Variants in URB1 observed in about 807,000 individuals in gnomAD.
URB1 encodes URB1 ribosome biogenesis factor.
URB1 carries 197 observed loss-of-function variants against 242.3 expected under a neutral mutation model. The observed-to-expected ratio is 0.81, with a 90% CI of 0.72 to 0.91. URB1 has a LOEUF of 0.91. Ranked by LOEUF, URB1 falls within the 40% of genes least tolerant of loss-of-function variation. URB1 has a pLI of 0.00. For synonymous variants in URB1, 1,153 were observed against 1,201.8 expected (o/e 0.96, Z 0.84); for missense variants, 2,721 against 2,860.5 (o/e 0.95, Z 1.11).
rs145685349 is a variant in URB1, at chr21:32,358,098, C to T, written c.1870-442G>A. ...CTGAACACACAGTATGCTGCCAGGT[C>T]CTTACCTCATCTCATTTTAACCACA... On this transcript the variant is annotated intron_variant, in intron 14 of 38. Coordinates refer to ENST00000382751, the MANE Select transcript of URB1 (RefSeq NM_014825.3). Among the ~76,000 whole-genome samples, 547 of 152,294 alleles carry T rather than the reference C, an allele frequency of 3.6e-3. 4 individuals carry two copies. Among genetic ancestry groups the T allele is most frequent in the Middle Eastern group, 0.027 (8 of 294 alleles).
intron 35 of URB1, 83 bp downstream of exon 35, chr21:32,320,445 CCAA>C (rs2032750761): frequency 1.9e-6 from 2 of 1,033,178 alleles, no homozygotes; most frequent in South Asian, 3.0e-5. Context: ...ACATTTCCAA[CCAA>C]CAACAGAGCT....
rs148857803 is a variant in URB1 at position 32,383,478 on chromosome 21, G to A, written c.511C>T (p.His171Tyr). Reference sequence around the variant, plus strand: ...AGGGTCTTTTTATTCAAATCAAAATGGCTGCAGACGTCCCTGGCAGCTTCC... The same window carrying A: ...AGGGTCTTTTTATTCAAATCAAAATAGCTGCAGACGTCCCTGGCAGCTTCC... ...GPEAARDVCSHFDLNKKTLYT... is the reference protein window; with the variant it reads ...GPEAARDVCSYFDLNKKTLYT... The change falls in exon 4 of 39, where the codon CAT becomes TAT. Residue 171 changes from histidine (H) to tyrosine (Y), a missense_variant. Transcript: ENST00000382751. 935 of 1,551,570 alleles carry A rather than the reference G, an allele frequency of 6.0e-4. 4 individuals are homozygous for A. The highest frequency in any genetic ancestry group is 5.5e-3 in the African/African-American group (405 of 73,144).
chr21:32,320,468 C>T (rs1488079539), intron 35 of URB1, 63 bp downstream of exon 35: 55 of 1,223,364 alleles, frequency 4.5e-5, no homozygotes, highest in South Asian at 6.7e-5. Flanking sequence ...TGGCAGCAGA[C>T]GTCATCGTTT....
At chr21:32,327,569 T>C (rs1214998776) in intron 30 of URB1, among the ~76,000 whole-genome samples, 1 of 94,468 alleles carries the variant, frequency 1.1e-5, no homozygotes, top group Non-Finnish European at 2.4e-5. Flanking sequence ...TGATACCAGA[T>C]AGAAATCTAG....
intron 28 of URB1, among the ~76,000 whole-genome samples, chr21:32,335,988 A>C (rs2032954657): frequency 6.6e-6 from 1 of 152,168 alleles, no homozygotes; most frequent in African/African-American, 2.4e-5. Flanking sequence ...GTCGTTCTGC[A>C]GAAATGGGTA....
chr21:32,320,528 T>TA lies in URB1; in HGVS notation c.5594+2dup. On this transcript the variant is annotated splice_region_variant and intron_variant, in intron 35 of 38. Transcript: ENST00000382751. ...GCGCACCTCGCATGCAAAAGGTACT[T>TA]ACTTGCTTTCAAGGATGTGTAAAAT... 6.5e-7 allele frequency: 1 copy of TA among 1,548,072 alleles called. No individual in the cohort carries two copies. Among genetic ancestry groups the TA allele is most frequent in the Non-Finnish European group, 8.7e-7 (1 of 1,143,798 alleles).
intron 21 of URB1, among the ~76,000 whole-genome samples, chr21:32,348,060 G>C (rs2033114231): frequency 6.6e-6 from 1 of 152,358 alleles, no homozygotes; most frequent in Middle Eastern, 3.4e-3. Flanking sequence ...TGCCCCGGAA[G>C]GACTGGACTG....
At chr21:32,348,807 A>C (rs1158040972) in intron 21 of URB1, among the ~76,000 whole-genome samples, 3 of 152,242 alleles carry the variant, frequency 2.0e-5, no homozygotes, top group Non-Finnish European at 4.4e-5. Context: ...TGTATATTTC[A>C]ATTAGATTGT....
At position 32,364,403 on chromosome 21, in the gene URB1, G is replaced by A. The variant is rs565851832; in HGVS notation, c.1336-1074C>T. Among the ~76,000 whole-genome samples the A allele has an allele frequency of 2.0e-5, 3 of 152,298 alleles. 1 individual carries two copies. The South Asian group carries it at 6.2e-4, about 32-fold the overall frequency. ...GGAGAGCCCTCCGACACTGAGATCT[G>A]AAAAGCCCTGGCTGGGACACTGCAG... On this transcript the variant is annotated intron_variant, in intron 10 of 38. Coordinates refer to ENST00000382751, the MANE Select transcript of URB1 (RefSeq NM_014825.3).
intron 4 of URB1, among the ~76,000 whole-genome samples, chr21:32,381,476 A>T (rs1048944160): frequency 8.8e-5 from 13 of 146,914 alleles, no homozygotes; most frequent in Admixed American, 1.4e-4. Flanking sequence ...AATAGCATTT[A>T]AAAAAAAAAA....
At chr21:32,377,497 G>A (rs1324839421) in intron 5 of URB1, among the ~76,000 whole-genome samples, 3 of 151,496 alleles carry the variant, frequency 2.0e-5, no homozygotes, top group Non-Finnish European at 4.4e-5. Context: ...CCTGGCAGCA[G>A]CAAGATATCC....
chr21:32,385,728 T>A, intron 1 of URB1, 44 bp from the exon 2 acceptor site: 1 of 1,546,058 alleles, frequency 6.5e-7, no homozygotes, highest in Non-Finnish European at 8.7e-7. Flanking sequence ...GTCAGTCTTC[T>A]TAGAAACAAT....
chr21:32,372,512 A>T lies in URB1; in HGVS notation c.996T>A (p.Phe332Leu), dbSNP rs1187603349. Residue 332 changes from phenylalanine to leucine, a missense_variant, in exon 8 of 39, where the codon TTT (phenylalanine) becomes TTA (leucine). Physicochemically the swap from Phe to Leu is conservative, Grantham distance 22. Transcript: ENST00000382751. Reference protein sequence around the residue: ...INFYDASLGTFGRGGNLTLLH... With the variant: ...INFYDASLGTLGRGGNLTLLH... The stretch of plus-strand genomic sequence containing the variant: ...ACAAGAGTGTTATACTTTACCTGCC[A>T]AAGGTACCCAAAGATGCATCGTAAA... The T allele has an allele frequency of 6.4e-7, 1 of 1,551,288 alleles. No individual in the cohort carries two copies. The highest frequency in any genetic ancestry group is 1.4e-5 in the African/African-American group (1 of 73,190).
chr21:32,391,653 ATAACTC>A (rs1044512927), intron 1 of URB1, among the ~76,000 whole-genome samples: 1 of 152,168 alleles, frequency 6.6e-6, no homozygotes, highest in African/African-American at 2.4e-5. Flanking sequence ...TCGGAAATAA[ATAACTC>A]TATGCTAACT....
Position 32,330,194 on chromosome 21 carries a change from AGT to A in URB1, c.4960+3121_4960+3122del, listed in dbSNP as rs1394614972. Among the ~76,000 whole-genome samples, 660 of 98,218 alleles carry A rather than the reference AGT, an allele frequency of 6.7e-3. 4 individuals carry two copies. The highest frequency in any genetic ancestry group is 0.025 in the African/African-American group (637 of 25,228). 64.4% of individuals were successfully genotyped at this position (98,218 alleles called of 152,430 possible). ...CATCTAAGAAATGTACTTTTTGGGG[AGT>A]GTTTTTTTTTTTTTTTTTTTTTTTG... On this transcript the variant is annotated intron_variant, in intron 30 of 38. Transcript: ENST00000382751.
intron 12 of URB1, 21 bp downstream of exon 12, chr21:32,361,871 C>T (rs1228561112): frequency 6.5e-7 from 1 of 1,549,278 alleles, no homozygotes; most frequent in African/African-American, 1.4e-5. Context: ...CAGAGGGTCC[C>T]CCTCACCCCT....
chr21:32,353,246 G>A (rs546103033), intron 18 of URB1, among the ~76,000 whole-genome samples: 1 of 152,312 alleles, frequency 6.6e-6, no homozygotes, highest in South Asian at 2.1e-4. Context: ...CTTGCGTGTA[G>A]GCTGGGACCA....
intron 2 of URB1, 85 bp downstream of exon 2, chr21:32,385,460 A>G (rs2033573500): frequency 1.4e-6 from 2 of 1,477,242 alleles, no homozygotes; most frequent in Non-Finnish European, 9.0e-7. Flanking sequence ...TGGTAATGGA[A>G]ATTTCTATCA....
At chr21:32,365,812 T>C (rs115916820) in intron 10 of URB1, among the ~76,000 whole-genome samples, 23 of 152,318 alleles carry the variant, frequency 1.5e-4, no homozygotes, top group African/African-American at 5.5e-4. Flanking sequence ...CAGGGCCAAC[T>C]GAGGCCTGTG....
Sources: gnomAD v4.1 joint callset for allele counts (sites outside exome capture counted in the v4.1 genomes callset) on GRCh38, gnomAD v4.1.1 for gene constraint, MANE v1.5 for transcripts, NCBI Gene and HGNC (gene_info 2026-07-23, HGNC 2026-07-21) for gene names.